Variants in GLCE observed in about 807,000 individuals in gnomAD.
GLCE encodes glucuronic acid epimerase.
A neutral mutation model predicts 47.9 loss-of-function variants in GLCE; 19 were observed. The observed-to-expected ratio is 0.40, with a 90% confidence interval of 0.28 to 0.58. The LOEUF (loss-of-function observed/expected upper bound fraction) is 0.58. Ranked by LOEUF, GLCE falls within the 20% of genes least tolerant of loss-of-function variation. The pLI is 0.48. For missense variants in GLCE, 556 were observed against 743.3 expected (o/e 0.75, Z 2.93); for synonymous variants, 245 against 263.4 (o/e 0.93, Z 0.68).
intron 1 of GLCE, among the ~76,000 whole-genome samples, chr15:69,175,930 G>T (rs963461241): frequency 2.0e-5 from 3 of 152,150 alleles, no homozygotes; most frequent in Admixed American, 1.3e-4. Flanking sequence ...TATAACCTTA[G>T]AACCCTTGAG....
At chr15:69,215,194 C>T (rs1011884487) in intron 2 of GLCE, among the ~76,000 whole-genome samples, 1 of 152,128 alleles carries the variant, frequency 6.6e-6, no homozygotes, top group Non-Finnish European at 1.5e-5. Flanking sequence ...CCCCCGCACC[C>T]CCAATTTTTT....
intron 2 of GLCE, among the ~76,000 whole-genome samples, chr15:69,249,737 A>G (rs555172382): frequency 2.0e-5 from 3 of 152,348 alleles, no homozygotes; most frequent in Admixed American, 2.0e-4. Flanking sequence ...TCATGATGCT[A>G]TCCATAGTTC....
At chr15:69,229,613 A>G (rs530857987) in intron 2 of GLCE, among the ~76,000 whole-genome samples, 1 of 152,266 alleles carries the variant, frequency 6.6e-6, no homozygotes, top group South Asian at 2.1e-4. Context: ...AATTTTTCAC[A>G]TAAGTAGAGG....
intron 4 of GLCE, among the ~76,000 whole-genome samples, chr15:69,264,511 A>G (rs4777131): frequency 0.51 from 77,577 of 152,052 alleles, 23,398 homozygotes; most frequent in Admixed American, 0.66. Flanking sequence ...GAGTGCAGGT[A>G]TCTTTTTGAG....
chr15:69,245,765 G>C (rs536650007), intron 2 of GLCE, among the ~76,000 whole-genome samples: 1 of 152,120 alleles, frequency 6.6e-6, no homozygotes, highest in Admixed American at 6.5e-5. Flanking sequence ...GTCTCACTCT[G>C]TCATCTAGGC....
intron 2 of GLCE, among the ~76,000 whole-genome samples, chr15:69,218,674 G>GTT (rs1191182432): frequency 6.6e-6 from 1 of 152,080 alleles, no homozygotes; most frequent in African/African-American, 2.4e-5. Flanking sequence ...TGGAAAACCT[G>GTT]TTTTATGTGT....
intron 4 of GLCE, among the ~76,000 whole-genome samples, chr15:69,262,073 A>G (rs540157218): frequency 5.4e-4 from 82 of 152,286 alleles, no homozygotes; most frequent in South Asian, 3.1e-3. Flanking sequence ...CCCTCCCACC[A>G]GTCTTGCAGT....
chr15:69,221,660 C>G (rs1486500169), intron 2 of GLCE, among the ~76,000 whole-genome samples: 1 of 151,786 alleles, frequency 6.6e-6, no homozygotes, highest in Non-Finnish European at 1.5e-5. Context: ...GTCAGGAGTT[C>G]AAGACCAGCC....
rs1566970740 is a variant in GLCE at position 69,256,107 on chromosome 15, G to T, written c.301G>T (p.Gly101Trp). 6.2e-7 allele frequency: 1 copy of T among 1,614,052 alleles called. No individual in the cohort carries two copies. Among genetic ancestry groups the T allele is most frequent in the East Asian group, 2.2e-5 (1 of 44,864 alleles). The change falls in exon 3 of 5, where the codon GGG (glycine) becomes TGG (tryptophan). Residue 101 changes from glycine to tryptophan, a missense_variant. By Grantham distance (184) the Gly-to-Trp change is radical. This residue lies in a region of GLCE where 237 missense variants were observed against 310.9 expected (regional missense o/e 0.76). Transcript: ENST00000261858. ...FNSNVGSKVL[G>W]LKYEEIDCLI... Reference sequence around the variant, plus strand: ...TAGCAATGTGGGAAGTAAGGTGTTAGGGCTCAAATATGAAGAAATTGACTG... The same window carrying T: ...TAGCAATGTGGGAAGTAAGGTGTTATGGCTCAAATATGAAGAAATTGACTG...
chr15:69,169,895 A>G (rs1022956023), intron 1 of GLCE, among the ~76,000 whole-genome samples: 6 of 152,186 alleles, frequency 3.9e-5, no homozygotes, highest in Middle Eastern at 3.2e-3. Context: ...TTCCTCTCAC[A>G]TGCTAGATGA....
rs187687629 is a variant in GLCE at position 69,226,527 on chromosome 15, C to T, written c.-14+16121C>T. On this transcript the variant is annotated intron_variant, in intron 2 of 4. Coordinates refer to ENST00000261858, the MANE Select transcript of GLCE (RefSeq NM_015554.3). ...GTCCATAGTGTTTATTGCAAAACAG[C>T]ATAGGAATAATGGAGTCTTAAGAGT... Among the ~76,000 whole-genome samples, 328 of 152,156 alleles carry T rather than the reference C, an allele frequency of 2.2e-3. 1 individual carries two copies. Among genetic ancestry groups the T allele is most frequent in the African/African-American group, 5.8e-3 (239 of 41,506 alleles).
chr15:69,239,515 A>G (rs2140416326), intron 2 of GLCE, among the ~76,000 whole-genome samples: 1 of 152,344 alleles, frequency 6.6e-6, no homozygotes, highest in South Asian at 2.1e-4. Flanking sequence ...TCACAGGTAC[A>G]GATAGCAGTG....
chr15:69,210,802 T>G (rs1040087178), intron 2 of GLCE, among the ~76,000 whole-genome samples: 1 of 152,134 alleles, frequency 6.6e-6, no homozygotes, highest in African/African-American at 2.4e-5. Context: ...TAAAGTTTAT[T>G]GGAACACAGT....
chr15:69,177,860 A>G (rs1425251139), intron 1 of GLCE, among the ~76,000 whole-genome samples: 2 of 152,202 alleles, frequency 1.3e-5, no homozygotes, highest in Admixed American at 6.5e-5. Context: ...ATTACATAGT[A>G]TGTACTTTTC....
At chr15:69,195,938 A>C (rs533379683) in intron 1 of GLCE, among the ~76,000 whole-genome samples, 6 of 152,220 alleles carry the variant, frequency 3.9e-5, no homozygotes, top group African/African-American at 1.4e-4. Flanking sequence ...GCCTCTATGG[A>C]GCTTACATTC....
At chr15:69,222,813 A>AT (rs879472785) in intron 2 of GLCE, among the ~76,000 whole-genome samples, 105 of 152,026 alleles carry the variant, frequency 6.9e-4, no homozygotes, top group Non-Finnish European at 1.2e-3. Flanking sequence ...TCCATAGTTG[A>AT]TTTTTTTTAT....
intron 2 of GLCE, among the ~76,000 whole-genome samples, chr15:69,254,890 T>G (rs1401260558): frequency 1.3e-5 from 2 of 152,050 alleles, no homozygotes; most frequent in African/African-American, 4.8e-5. Flanking sequence ...ATAGACTGAA[T>G]AGAGATAAAG....
chr15:69,181,475 G>A (rs2051748008), intron 1 of GLCE, among the ~76,000 whole-genome samples: 1 of 152,198 alleles, frequency 6.6e-6, no homozygotes, highest in African/African-American at 2.4e-5. Flanking sequence ...GGAAAACCAG[G>A]AGAACATGGA....
intron 1 of GLCE, among the ~76,000 whole-genome samples, chr15:69,202,449 A>G (rs2052088884): frequency 6.6e-6 from 1 of 152,124 alleles, no homozygotes; most frequent in Non-Finnish European, 1.5e-5. Flanking sequence ...TTCCTCATAT[A>G]CAATTCTCTC....
Sources: gnomAD v4.1 joint callset for allele counts (sites outside exome capture counted in the v4.1 genomes callset) on GRCh38, gnomAD v4.1.1 for gene constraint, gnomAD v4.1.1 regional missense constraint, MANE v1.5 for transcripts, NCBI Gene and HGNC (gene_info 2026-07-23, HGNC 2026-07-21) for gene names.